The following CTSS variants were observed in gnomAD, a reference collection of about 807,000 sequenced individuals.
CTSS encodes the protein cathepsin S.
CTSS carries 15 observed loss-of-function variants against 39.9 expected under a neutral mutation model. That is an observed-to-expected ratio of 0.38 (90% confidence interval 0.25 to 0.58). CTSS has a LOEUF of 0.58. CTSS is among the 20% of genes least tolerant of loss of function. The probability of loss-of-function intolerance (pLI) is 0.70; values close to 1 mark genes in which losing one functional copy is unlikely to be tolerated. For synonymous variants in CTSS, 126 were observed against 138.2 expected (o/e 0.91, Z 0.62); for missense variants, 250 against 398.2 (o/e 0.63, Z 3.17).
intron 5 of CTSS, among the ~76,000 whole-genome samples, chr1:150,750,965 C>T (rs1176801836): frequency 1.1e-4 from 16 of 151,968 alleles, no homozygotes; most frequent in Admixed American, 1.0e-3. Flanking sequence ...AAGTGCTTAA[C>T]AAGAAAATAA....
At chr1:150,754,778 C>T (rs587652430) in intron 4 of CTSS, among the ~76,000 whole-genome samples, 3 of 152,072 alleles carry the variant, frequency 2.0e-5, no homozygotes, top group African/African-American at 7.2e-5. Flanking sequence ...GTGGAATCTG[C>T]AGATGTGGAA....
In CTSS at chr1:150,764,592, C is replaced by T. The variant is rs375149139; in HGVS notation, c.126+46G>A. 4 of 1,610,286 alleles carry T rather than the reference C, an allele frequency of 2.5e-6. No homozygotes were observed. In the African/African-American group the frequency reaches 5.3e-5, roughly 22 times the overall value. On this transcript the variant is annotated intron_variant, in intron 2 of 7. Transcript: ENST00000368985. ...GAACACAATTTTAAGAGGTAGAAAA[C>T]AGTACTCCTTTAAAAGCATATCGCT...
intron 2 of CTSS, among the ~76,000 whole-genome samples, chr1:150,760,893 AAAG>A (rs1483132794): frequency 2.6e-5 from 4 of 151,830 alleles, no homozygotes; most frequent in Non-Finnish European, 5.9e-5. Context: ...AAAAAAAAAA[AAAG>A]AAGGTTGGGC....
chr1:150,750,322 A>C, intron 5 of CTSS, 151 bp from the exon 6 acceptor site: 1 of 566,438 alleles, frequency 1.8e-6, no homozygotes, highest in Non-Finnish European at 3.0e-6. Context: ...CCAAATCCTA[A>C]CAGTCCCGGG....
intron 2 of CTSS, among the ~76,000 whole-genome samples, chr1:150,762,080 A>G (rs1351762804): frequency 3.9e-5 from 6 of 152,240 alleles, no homozygotes; most frequent in Admixed American, 1.3e-4. Context: ...AGAAACAGAC[A>G]CATTTACCAA....
Position 150,755,076 on chromosome 1 carries a change from C to T in CTSS, c.324G>A (p.Lys108=), listed in dbSNP as rs1318418177. Residue 108 remains lysine (K), a synonymous_variant, in exon 4 of 8, where the codon AAG becomes AAA. Transcript: ENST00000368985. ...CAGGCAATATCCGATTAGGGTTTGA[C>T]TTATATGTGATATTTCTCTGCCACT... is the stretch of plus-strand genomic sequence containing the variant. The part of the protein sequence containing the change: ...PSQWQRNITY[K]SNPNRILPDS... 1.9e-6 allele frequency: 3 copies of T among 1,614,160 alleles called. No homozygotes were observed. Among genetic ancestry groups the T allele is most frequent in the Non-Finnish European group, 8.5e-7 (1 of 1,180,014 alleles).
chr1:150,755,069 G>A lies in CTSS; in HGVS notation c.331C>T (p.Pro111Ser). The A allele has an allele frequency of 6.2e-7, 1 of 1,614,058 alleles. No homozygotes were observed. The highest frequency in any genetic ancestry group is 2.2e-5 in the East Asian group (1 of 44,876). ...WQRNITYKSN[P>S]NRILPDSVDW... ...ACAGAATCAGGCAATATCCGATTAG[G>A]GTTTGACTTATATGTGATATTTCTC... The change falls in exon 4 of 8, where the codon CCT becomes TCT. Residue 111 changes from proline to serine, a missense_variant. Physicochemically the swap from Pro to Ser is moderately conservative, Grantham distance 74. Transcript: ENST00000368985.
At chr1:150,749,572 ACCCCGCCCCG>A (rs1025330281) in intron 6 of CTSS, among the ~76,000 whole-genome samples, 16 of 46,680 alleles carry the variant, frequency 3.4e-4, no homozygotes, top group Non-Finnish European at 2.7e-4. Flanking sequence ...GCCCCGCCTC[ACCCCGCCCCG>A]CCCCGCCCCG....
chr1:150,746,795 G>A (rs1652904509), intron 7 of CTSS, among the ~76,000 whole-genome samples: 1 of 152,182 alleles, frequency 6.6e-6, no homozygotes, highest in Admixed American at 6.5e-5. Flanking sequence ...AGTATAACCA[G>A]AGTGAAAATA....
At chr1:150,746,484 C>T (rs1170719216) in intron 7 of CTSS, among the ~76,000 whole-genome samples, 1 of 152,158 alleles carries the variant, frequency 6.6e-6, no homozygotes, top group Non-Finnish European at 1.5e-5. Flanking sequence ...TCCCCAAAGG[C>T]ACGTACAGAA....
intron 3 of CTSS, among the ~76,000 whole-genome samples, chr1:150,755,973 A>G (rs1217782388): frequency 6.6e-6 from 1 of 152,164 alleles, no homozygotes; most frequent in African/African-American, 2.4e-5. Flanking sequence ...TACTTAATAA[A>G]CTTTTAATTT....
intron 7 of CTSS, among the ~76,000 whole-genome samples, chr1:150,740,053 T>A (rs774458464): frequency 5.3e-5 from 8 of 152,214 alleles, no homozygotes; most frequent in Non-Finnish European, 7.3e-5. Flanking sequence ...TCATTTCCAA[T>A]CGCTAGTTCC....
intron 7 of CTSS, among the ~76,000 whole-genome samples, chr1:150,734,978 T>A (rs984368294): frequency 2.0e-5 from 3 of 152,050 alleles, no homozygotes; most frequent in Admixed American, 6.6e-5. Context: ...AAGTGTGAAA[T>A]TGAGAAAATG....
In CTSS at chr1:150,747,631, A is replaced by G. The variant is rs1007152516; in HGVS notation, c.896+146T>C. The G allele has an allele frequency of 2.4e-5, 15 of 635,464 alleles. No individual in the cohort carries two copies. In the Admixed American group the frequency reaches 2.5e-4, roughly 11 times the overall value. 39.4% of individuals were successfully genotyped at this position (635,464 alleles called of 1,614,324 possible). A position where few individuals can be genotyped will look rare whatever the true frequency, so the allele number is the denominator to read the frequency against. On this transcript the variant is annotated intron_variant, in intron 7 of 7. Transcript: ENST00000368985. The stretch of plus-strand genomic sequence containing the variant: ...AGTGAAAAGATGGGGGCACTGAGTA[A>G]TTTAGAATGTCACTTTGTAAGAAGC...
chr1:150,757,579 G>C (rs587655902), intron 3 of CTSS, among the ~76,000 whole-genome samples: 2 of 151,808 alleles, frequency 1.3e-5, no homozygotes, highest in Non-Finnish European at 2.9e-5. Context: ...ATAGTCTTTA[G>C]GTAATACTTT....
In CTSS at chr1:150,731,156, G is replaced by A. The variant is rs955232273; in HGVS notation, c.*1890C>T. Reference sequence around the variant, plus strand: ...TAATCTTAGCACTTTGGGAGGCTGGGGTGGGTGGATCACCTGAGGTCAGGA... The same window carrying A: ...TAATCTTAGCACTTTGGGAGGCTGGAGTGGGTGGATCACCTGAGGTCAGGA... On this transcript the variant is annotated 3_prime_UTR_variant, in exon 8 of 8. Coordinates refer to ENST00000368985, the MANE Select transcript of CTSS (RefSeq NM_004079.5). 2.0e-5 allele frequency: 3 copies of A among 152,320 alleles called. No homozygotes were observed. Among genetic ancestry groups the A allele is most frequent in the Admixed American group, 6.5e-5 (1 of 15,298 alleles). 9.4% of individuals were successfully genotyped at this position (152,320 alleles called of 1,614,324 possible).
intron 5 of CTSS, among the ~76,000 whole-genome samples, chr1:150,751,030 T>C (rs1652995912): frequency 6.6e-6 from 1 of 152,204 alleles, no homozygotes; most frequent in African/African-American, 2.4e-5. Flanking sequence ...TTTTGAGTGA[T>C]ATTTTTATAT....
intron 7 of CTSS, among the ~76,000 whole-genome samples, chr1:150,745,113 T>A (rs2101915497): frequency 6.6e-6 from 1 of 152,230 alleles, no homozygotes; most frequent in Non-Finnish European, 1.5e-5. Context: ...AATATCATCA[T>A]CTTCTATGTG....
intron 7 of CTSS, among the ~76,000 whole-genome samples, chr1:150,742,378 A>T (rs781213758): frequency 3.3e-5 from 5 of 152,200 alleles, no homozygotes; most frequent in African/African-American, 4.8e-5. Context: ...AGAAAGATAC[A>T]GCATATATAA....
Sources: allele counts gnomAD v4.1 joint callset (sites outside exome capture counted in the v4.1 genomes callset), GRCh38; gene constraint gnomAD v4.1.1; transcripts MANE v1.5; gene names NCBI Gene and HGNC (gene_info 2026-07-23, HGNC 2026-07-21).